JHY: variants seen among roughly 807,000 people sequenced by gnomAD.
JHY encodes jhy protein homolog.
Under a neutral mutation model 78.0 loss-of-function variants are expected in JHY, and 69 were observed. The ratio of observed to expected loss-of-function variants is 0.88; its 90% CI spans 0.73 to 1.08. JHY has a LOEUF of 1.08. Among genes scored for constraint, JHY ranks in the 50% least tolerant of loss-of-function variants. The pLI is 0.00. For synonymous variants in JHY, 368 were observed against 342.6 expected, an observed-to-expected ratio of 1.07 and a Z score of -0.82; for missense variants, 944 against 927.8, an observed-to-expected ratio of 1.02 and a Z score of -0.23.
chr11:122,956,596 A>G lies in JHY; in HGVS notation c.2010+20A>G, dbSNP rs748146309. On this transcript the variant is annotated intron_variant, in intron 7 of 8. Transcript: ENST00000227349. Reference sequence around the variant, plus strand: ...GACAAAGTGAGTGAGATGCACATACAGTGTTTCCAGACCTGACTCAGCCCA... The same window carrying G: ...GACAAAGTGAGTGAGATGCACATACGGTGTTTCCAGACCTGACTCAGCCCA... 7 of 1,607,198 alleles carry G rather than the reference A, an allele frequency of 4.4e-6. No homozygotes were observed. Among genetic ancestry groups the G allele is most frequent in the Non-Finnish European group, 5.1e-6 (6 of 1,174,742 alleles).
At chr11:122,936,500 T>C (rs896935306) in intron 5 of JHY, among the ~76,000 whole-genome samples, 4 of 152,106 alleles carry the variant, frequency 2.6e-5, no homozygotes, top group Admixed American at 2.0e-4. Context: ...TAGTTTTTGG[T>C]AGATAGATAG....
chr11:122,963,638 T>C lies in JHY; in HGVS notation c.*4193T>C, dbSNP rs73606755. On this transcript the variant is annotated 3_prime_UTR_variant, in exon 9 of 9. Transcript: ENST00000227349. ...GTACTAATGACAACAATAGTGATCT[T>C]TTATAGGCCCAAGTTGGATCAGTGA... 0.12 allele frequency among the ~76,000 whole-genome samples: 18,008 copies of C among 152,222 alleles called. 1,090 individuals carry two copies. The highest frequency in any genetic ancestry group is 0.19 in the East Asian group (983 of 5,184).
In JHY at chr11:122,963,325, C is replaced by A. The variant is rs186259648; in HGVS notation, c.*3880C>A. Among the ~76,000 whole-genome samples, 160 of 152,220 alleles carry A rather than the reference C, an allele frequency of 1.1e-3. No homozygotes were observed. The highest frequency in any genetic ancestry group is 3.6e-3 in the African/African-American group (149 of 41,532). On this transcript the variant is annotated 3_prime_UTR_variant, in exon 9 of 9. Coordinates refer to ENST00000227349, the MANE Select transcript of JHY (RefSeq NM_024806.4). ...CAACATTTCACAGGATTCTTACCCC[C>A]AAGGCAACTCTTTACTATCCAGTAC...
Sources: allele counts gnomAD v4.1 joint callset (sites outside exome capture counted in the v4.1 genomes callset), GRCh38; gene constraint gnomAD v4.1.1; transcripts MANE v1.5; gene names NCBI Gene and HGNC (gene_info 2026-07-23, HGNC 2026-07-21).